Variants in ATL2 observed in about 807,000 individuals in gnomAD.
ATL2 encodes atlastin GTPase 2.
In ATL2, 31 loss-of-function variants were observed where a neutral mutation model predicts 73.9. The observed-to-expected ratio is 0.42, with a 90% CI of 0.32 to 0.57. The LOEUF is 0.57. Among genes scored for constraint, ATL2 ranks in the 20% least tolerant of loss-of-function variants. The pLI, the probability that ATL2 is intolerant of heterozygous loss-of-function variation, is 0.14. For missense variants in ATL2, 738 were observed against 702.6 expected, an observed-to-expected ratio of 1.05 and a Z score of -0.57; for synonymous variants, 291 against 237.5, an observed-to-expected ratio of 1.23 and a Z score of -2.07.
rs201541581 is a variant in ATL2 at position 38,377,214 on chromosome 2, C to T, written c.47G>A (p.Gly16Glu). Residue 16 changes from glycine (G) to glutamate (E), a missense_variant, in exon 1 of 13, where the codon GGG becomes GAG. By Grantham distance (98) the Gly-to-Glu change is moderately conservative (BLOSUM62 -2). Coordinates refer to ENST00000378954, the MANE Select transcript of ATL2 (RefSeq NM_001135673.4). ...GCTGGTCCGTCGCCGGCGCCACAGC[C>T]CCTGGTGCGGTTGCTGCCCTCGCGC... The part of the protein sequence containing the change: ...EAARGQQPHQ[G>E]LWRRRRTSDP... 1 of 1,608,270 alleles carries T rather than the reference C, an allele frequency of 6.2e-7. No homozygotes were observed. Among genetic ancestry groups the T allele is most frequent in the East Asian group, 2.2e-5 (1 of 44,704 alleles).
At chr2:38,335,013 T>C (rs1195871639) in intron 2 of ATL2, among the ~76,000 whole-genome samples, 6 of 122,880 alleles carry the variant, frequency 4.9e-5, no homozygotes, top group African/African-American at 1.1e-4. Context: ...TATGAGCAAA[T>C]GAACTTGTAT....
chr2:38,361,843 TCA>T (rs1172438371), intron 1 of ATL2, among the ~76,000 whole-genome samples: 3 of 152,216 alleles, frequency 2.0e-5, no homozygotes, highest in Admixed American at 1.3e-4. Flanking sequence ...TAGTCCCATT[TCA>T]CAGAGAGGAA....
chr2:38,337,304 G>A (rs1669416219), intron 2 of ATL2, among the ~76,000 whole-genome samples: 1 of 151,410 alleles, frequency 6.6e-6, no homozygotes, highest in African/African-American at 2.4e-5. Context: ...AACCAACATG[G>A]TGAAACCCCT....
chr2:38,298,367 T>C lies in ATL2; in HGVS notation c.1409A>G (p.Tyr470Cys), dbSNP rs369713955. 1.8e-5 allele frequency: 29 copies of C among 1,614,056 alleles called. No individual in the cohort carries two copies. The highest frequency in any genetic ancestry group is 4.4e-5 in the South Asian group (4 of 91,074). Residue 470 changes from tyrosine (Y) to cysteine (C), a missense_variant, in exon 12 of 13, where the codon TAT becomes TGT. Coordinates refer to ENST00000378954, the MANE Select transcript of ATL2 (RefSeq NM_001135673.4). The part of the protein sequence containing the change: ...IKHNDGKNIF[Y>C]AARTPATLFA... ...CAGTGTGGCTGGGGTACGAGCAGCATAGAAGATATTTTTGCCATCATTGTG... is the reference window on the plus strand; with the variant it reads ...CAGTGTGGCTGGGGTACGAGCAGCACAGAAGATATTTTTGCCATCATTGTG...
At chr2:38,370,860 G>A (rs181555403) in intron 1 of ATL2, among the ~76,000 whole-genome samples, 1 of 151,980 alleles carries the variant, frequency 6.6e-6, no homozygotes, top group African/African-American at 2.4e-5. Flanking sequence ...AAGCTGAAAT[G>A]GCGGGGGTGG....
intron 1 of ATL2, among the ~76,000 whole-genome samples, chr2:38,361,074 C>G (rs1670986782): frequency 6.6e-6 from 1 of 152,084 alleles, no homozygotes. Flanking sequence ...AATCAAGCAG[C>G]CAGGCGCGGT....
chr2:38,313,597 T>C (rs1667871390), intron 6 of ATL2, among the ~76,000 whole-genome samples: 1 of 152,202 alleles, frequency 6.6e-6, no homozygotes, highest in African/African-American at 2.4e-5. Flanking sequence ...TCTAGATGGC[T>C]ATCTAGACTG....
At chr2:38,361,713 G>C (rs1481510221) in intron 1 of ATL2, among the ~76,000 whole-genome samples, 2 of 152,078 alleles carry the variant, frequency 1.3e-5, no homozygotes, top group Admixed American at 1.3e-4. Flanking sequence ...CATTACAATT[G>C]TTTTTAATGA....
At chr2:38,362,339 A>G (rs907846609) in intron 1 of ATL2, among the ~76,000 whole-genome samples, 2 of 152,232 alleles carry the variant, frequency 1.3e-5, no homozygotes, top group Non-Finnish European at 2.9e-5. Flanking sequence ...ACTGCTTACT[A>G]AAGAATGGTC....
rs763657913 is a variant in ATL2, at chr2:38,313,226, A to G, written c.729T>C (p.Ile243=). ...QKPFQTLMFL[I]RDWSYPYEHS... ...GTTCATAAGGATAGCTCCAATCTCG[A>G]ATCAAAAACATTAATGTCTATACAC... The change falls in exon 7 of 13, where the codon ATT becomes ATC. Residue 243 remains isoleucine, a synonymous_variant. Coordinates refer to ENST00000378954, the MANE Select transcript of ATL2 (RefSeq NM_001135673.4). The G allele has an allele frequency of 1.9e-6, 3 of 1,610,584 alleles. No homozygotes were observed. The highest frequency in any genetic ancestry group is 2.5e-6 in the Non-Finnish European group (3 of 1,178,318).
intron 2 of ATL2, among the ~76,000 whole-genome samples, chr2:38,325,690 A>AG (rs1668588851): frequency 5.0e-5 from 3 of 59,630 alleles, no homozygotes; most frequent in Admixed American, 1.9e-4. Context: ...ACACACACAC[A>AG]CACACCAGTA....
intron 7 of ATL2, among the ~76,000 whole-genome samples, chr2:38,312,706 TAAAAAAAAA>T (rs368819561): frequency 8.3e-6 from 1 of 120,308 alleles, no homozygotes; most frequent in African/African-American, 3.8e-5. Context: ...GAGACTGTCT[TAAAAAAAAA>T]AAAAAAAAAA....
chr2:38,345,276 C>G (rs1274245910), intron 1 of ATL2, among the ~76,000 whole-genome samples: 1 of 152,192 alleles, frequency 6.6e-6, no homozygotes, highest in Admixed American at 6.5e-5. Context: ...AGCCAGTCCA[C>G]TAAGGCGTGG....
intron 1 of ATL2, chr2:38,354,234 G>T: frequency 2.6e-6 from 1 of 380,916 alleles, no homozygotes; most frequent in Non-Finnish European, 5.1e-6. Context: ...TTACATGAGA[G>T]CTATATAATG....
rs533359377 is a variant in ATL2, at chr2:38,362,710, A to C, written c.118+14433T>G. Among the ~76,000 whole-genome samples the C allele has an allele frequency of 2.0e-4, 30 of 152,348 alleles. 1 individual carries two copies. The highest frequency in any genetic ancestry group is 4.6e-4 in the Admixed American group (7 of 15,300). Reference sequence around the variant, plus strand: ...AACTACAGATTCAGTAGTAAAACAAAATTAAGAACAACAACAAAAATCCTG... The same window carrying C: ...AACTACAGATTCAGTAGTAAAACAACATTAAGAACAACAACAAAAATCCTG... On this transcript the variant is annotated intron_variant, in intron 1 of 12. Coordinates refer to ENST00000378954, the MANE Select transcript of ATL2 (RefSeq NM_001135673.4).
chr2:38,330,268 T>TA lies in ATL2; in HGVS notation c.364-11250dup, dbSNP rs200313640. Among the ~76,000 whole-genome samples the TA allele has an allele frequency of 2.8e-3, 402 of 143,776 alleles. 3 individuals carry two copies. The highest frequency in any genetic ancestry group is 8.5e-3 in the African/African-American group (331 of 38,806). 94.3% of individuals were successfully genotyped at this position (143,776 alleles called of 152,430 possible). A position where few individuals can be genotyped will look rare whatever the true frequency, so the allele number is the denominator to read the frequency against. On this transcript the variant is annotated intron_variant, in intron 2 of 12. Coordinates refer to ENST00000378954, the MANE Select transcript of ATL2 (RefSeq NM_001135673.4). ...ACTAGGAATAAAGAAAAACTTCAAT[T>TA]AAAAAAAAATCTACAAAAAATCCTA...
At chr2:38,375,026 A>G (rs565739016) in intron 1 of ATL2, among the ~76,000 whole-genome samples, 1 of 152,358 alleles carries the variant, frequency 6.6e-6, no homozygotes, top group South Asian at 2.1e-4. Context: ...AAATAGATTT[A>G]ATCATATCTA....
At chr2:38,334,638 C>T (rs1007954986) in intron 2 of ATL2, among the ~76,000 whole-genome samples, 2 of 151,086 alleles carry the variant, frequency 1.3e-5, no homozygotes, top group Non-Finnish European at 2.9e-5. Flanking sequence ...GCGGAGGTTG[C>T]GGTGAGCCAA....
In ATL2 at chr2:38,377,206, G is replaced by A. The variant is rs769082125; in HGVS notation, c.55C>T (p.Arg19Cys). 5 of 1,609,454 alleles carry A rather than the reference G, an allele frequency of 3.1e-6. No individual in the cohort carries two copies. The South Asian group carries it at 3.3e-5, about 11-fold the overall frequency. The change falls in exon 1 of 13, where the codon CGC (arginine) becomes TGC (cysteine). Residue 19 changes from arginine to cysteine, a missense_variant. Physicochemically the swap from Arg to Cys is radical, Grantham distance 180 (BLOSUM62 -3). Transcript: ENST00000378954. ...RGQQPHQGLW[R>C]RRRTSDPSAA... ...CTTGGGTCGCTGGTCCGTCGCCGGC[G>A]CCACAGCCCCTGGTGCGGTTGCTGC...
Sources: allele counts gnomAD v4.1 joint callset (sites outside exome capture counted in the v4.1 genomes callset), GRCh38; gene constraint gnomAD v4.1.1; transcripts MANE v1.5; gene names NCBI Gene and HGNC (gene_info 2026-07-23, HGNC 2026-07-21).